The following HIBCH variants were observed in gnomAD, a reference collection of about 807,000 sequenced individuals.
HIBCH encodes the protein 3-hydroxyisobutyryl-CoA hydrolase, also known as 3-hydroxyisobutyryl-CoA hydrolase, mitochondrial.
A neutral mutation model predicts 58.2 loss-of-function variants in HIBCH; 50 were observed. The ratio of observed to expected loss-of-function variants is 0.86; its 90% CI spans 0.68 to 1.09. HIBCH has a LOEUF of 1.09. Ranked by LOEUF, HIBCH falls within the 50% of genes least tolerant of loss-of-function variation. The pLI is 0.00. For synonymous variants in HIBCH, 151 were observed against 146.9 expected (o/e 1.03, Z -0.20); for missense variants, 450 against 449.7 (o/e 1.00, Z -0.01).
chr2:190,248,410 A>C (rs1230355153), intron 9 of HIBCH, among the ~76,000 whole-genome samples: 1 of 152,064 alleles, frequency 6.6e-6, no homozygotes, highest in Non-Finnish European at 1.5e-5. Flanking sequence ...GGGAAAAGGG[A>C]CAGAGGTCTT....
At chr2:190,289,822 T>C (rs1357523893) in intron 5 of HIBCH, among the ~76,000 whole-genome samples, 1 of 152,176 alleles carries the variant, frequency 6.6e-6, no homozygotes, top group East Asian at 1.9e-4. Context: ...TAGAGAAAAC[T>C]GGAACCCAAG....
chr2:190,194,187 C>T (rs1689853730), intron 1 of HIBCH, among the ~76,000 whole-genome samples: 1 of 152,018 alleles, frequency 6.6e-6, no homozygotes, highest in East Asian at 1.9e-4. Context: ...GGTGAATGTT[C>T]CATATGCACT....
chr2:190,212,824 T>C lies in HIBCH; in HGVS notation c.1011+132A>G, dbSNP rs1009515367. 4.4e-5 allele frequency: 33 copies of C among 749,428 alleles called. No homozygotes were observed. The African/African-American group carries it at 4.4e-4, about 10-fold the overall frequency. The allele number at this position is 749,428 out of a possible 1,614,324, so 46.4% of individuals were successfully genotyped here. On this transcript the variant is annotated intron_variant, in intron 12 of 13. Transcript: ENST00000359678. ...CACACATCTAAAACTAACTGGCCTG[T>C]TGTGTTTTTGTAGAGTAAATTTACA...
At chr2:190,267,989 T>C (rs1308742303) in intron 6 of HIBCH, among the ~76,000 whole-genome samples, 1 of 152,178 alleles carries the variant, frequency 6.6e-6, no homozygotes, top group Admixed American at 6.5e-5. Flanking sequence ...TCCATCTTCT[T>C]TGGAGAGAGA....
Position 190,215,664 on chromosome 2 carries a change from T to A in HIBCH, c.892-2589A>T, listed in dbSNP as rs1191202166. ...GAATTACTAAGGGAAGCTCAGAAGG[T>A]TTCTGTAAGAAGAAAGGGGGAAACA... On this transcript the variant is annotated intron_variant, in intron 11 of 13. Transcript: ENST00000359678. The surrounding 1 kb of genome is among the most constrained non-coding windows in gnomAD (Gnocchi z 4.4). 2 of 152,100 alleles carry A rather than the reference T, an allele frequency of 1.3e-5. No homozygotes were observed. The highest frequency in any genetic ancestry group is 2.9e-5 in the Non-Finnish European group (2 of 68,040). The allele number at this position is 152,100 out of a possible 1,614,324, so 9.4% of individuals were successfully genotyped here. A position where few individuals can be genotyped will look rare whatever the true frequency, so the allele number is the denominator to read the frequency against.
chr2:190,271,939 A>T (rs190430173), intron 6 of HIBCH, among the ~76,000 whole-genome samples: 11 of 152,232 alleles, frequency 7.2e-5, no homozygotes, highest in Non-Finnish European at 1.3e-4. Flanking sequence ...CACATATGCT[A>T]TTATCTTCTC....
rs564566799 is a variant in HIBCH at position 190,243,606 on chromosome 2, A to G, written c.891+1281T>C. 1.5e-4 allele frequency among the ~76,000 whole-genome samples: 23 copies of G among 152,248 alleles called. No homozygotes were observed. In the South Asian group the frequency reaches 4.8e-3, roughly 32 times the overall value. ...TGCTCTAATTTATGCCCATCCTTGA[A>G]AGTTAACAAAATTTTAATACTGTAT... On this transcript the variant is annotated intron_variant, in intron 11 of 13. Coordinates refer to ENST00000359678, the MANE Select transcript of HIBCH (RefSeq NM_014362.4). The surrounding 1 kb of genome is among the most constrained non-coding windows in gnomAD (Gnocchi z 4.1).
intron 2 of HIBCH, among the ~76,000 whole-genome samples, chr2:190,309,955 C>T (rs889019452): frequency 1.1e-4 from 16 of 152,128 alleles, no homozygotes; most frequent in Admixed American, 6.5e-4. Flanking sequence ...ACATTCAAGT[C>T]GGTGGACTGG....
rs761679601 is a variant in HIBCH at position 190,290,354 on chromosome 2, C to T, written c.385+51G>A. The T allele has an allele frequency of 2.5e-6, 3 of 1,216,790 alleles. No homozygotes were observed. In the South Asian group the frequency reaches 3.6e-5, roughly 15 times the overall value. 75.4% of individuals were successfully genotyped at this position (1,216,790 alleles called of 1,614,324 possible). A position where few individuals can be genotyped will look rare whatever the true frequency, so the allele number is the denominator to read the frequency against. The stretch of plus-strand genomic sequence containing the variant: ...GCATTTTTAACAAAGTACATACTGT[C>T]CACCTCATTTCTTTATTCCATTTCC... On this transcript the variant is annotated intron_variant, in intron 5 of 13. Coordinates refer to ENST00000359678, the MANE Select transcript of HIBCH (RefSeq NM_014362.4).
intron 11 of HIBCH, among the ~76,000 whole-genome samples, chr2:190,227,035 A>T (rs1339569411): frequency 1.3e-5 from 2 of 152,216 alleles, no homozygotes; most frequent in African/African-American, 2.4e-5. Flanking sequence ...TGCCATCCCC[A>T]TCAAGCTACC....
At chr2:190,301,012 G>A (rs779251572) in intron 2 of HIBCH, among the ~76,000 whole-genome samples, 14 of 152,174 alleles carry the variant, frequency 9.2e-5, no homozygotes, top group African/African-American at 2.4e-4. Context: ...ACGAATGTTG[G>A]AAATGGAAGT....
chr2:190,202,459 AAG>A (rs370818622), downstream of HIBCH: 55 of 167,186 alleles, frequency 3.3e-4, no homozygotes, highest in African/African-American at 1.1e-3. Flanking sequence ...ATAAATGAAT[AAG>A]AGAGATGAAT....
chr2:190,218,009 T>C (rs112245645), intron 11 of HIBCH, among the ~76,000 whole-genome samples: 2,094 of 152,230 alleles, frequency 0.014, 21 homozygotes, highest in South Asian at 0.052. Flanking sequence ...GAAACCCTAT[T>C]GGATAGGGCC....
intron 6 of HIBCH, among the ~76,000 whole-genome samples, chr2:190,287,058 G>GTGTGTGTATA (rs10662510): frequency 6.8e-5 from 10 of 147,684 alleles, no homozygotes; most frequent in African/African-American, 2.5e-4. Flanking sequence ...GTGTGTGTGT[G>GTGTGTGTATA]TATACATATA....
chr2:190,202,357 G>A (rs1489877900), downstream of HIBCH: 1 of 166,934 alleles, frequency 6.0e-6, no homozygotes, highest in Non-Finnish European at 1.5e-5. Context: ...TGACATATAT[G>A]AACTACAAGG....
chr2:190,234,620 C>T (rs1248886627), intron 11 of HIBCH, among the ~76,000 whole-genome samples: 6 of 152,118 alleles, frequency 3.9e-5, no homozygotes, highest in South Asian at 2.1e-4. Context: ...GAGGCCAAGG[C>T]GGGTGGATCA....
exon 2 of HIBCH, chr2:190,189,782 A>T (rs1351942981): frequency 6.6e-6 from 1 of 152,226 alleles, no homozygotes; most frequent in Non-Finnish European, 1.5e-5. Context: ...TCTAAATCAA[A>T]GCACTCTACC....
intron 11 of HIBCH, among the ~76,000 whole-genome samples, chr2:190,227,134 C>G (rs539967092): frequency 6.6e-6 from 1 of 152,106 alleles, no homozygotes; most frequent in Non-Finnish European, 1.5e-5. Flanking sequence ...AATCCTAAGC[C>G]AAAAGAACAA....
chr2:190,271,412 C>G (rs1375259056), intron 6 of HIBCH, among the ~76,000 whole-genome samples: 3 of 151,668 alleles, frequency 2.0e-5, no homozygotes, highest in Admixed American at 1.3e-4. Flanking sequence ...GCATCAGCCT[C>G]CCAGGTAGCT....
Sources: allele counts gnomAD v4.1 joint callset (sites outside exome capture counted in the v4.1 genomes callset), GRCh38; gene constraint gnomAD v4.1.1; non-coding constraint Gnocchi (gnomAD v3.1); transcripts MANE v1.5; gene names NCBI Gene and HGNC (gene_info 2026-07-23, HGNC 2026-07-21).